The following CENATAC variants were observed in gnomAD, a reference collection of about 807,000 sequenced individuals.
The protein encoded by CENATAC is centrosomal AT-AC splicing factor, also known as coiled-coil domain containing 84.
A neutral mutation model predicts 53.7 loss-of-function variants in CENATAC; 53 were observed. That is an observed-to-expected ratio of 0.99 (90% CI 0.79 to 1.24). The LOEUF is 1.24. Among genes scored for constraint, CENATAC ranks in the 50% most tolerant of loss-of-function variants. CENATAC has a pLI of 0.00. For synonymous variants in CENATAC, 156 were observed against 144.6 expected (o/e 1.08, Z -0.57); for missense variants, 474 against 417.8 (o/e 1.13, Z -1.17).
intron 9 of CENATAC, 93 bp downstream of exon 9, chr11:119,015,176 A>G (rs1388195651): frequency 6.9e-7 from 1 of 1,457,406 alleles, no homozygotes; most frequent in Non-Finnish European, 9.5e-7. Context: ...CTATAATCCT[A>G]GCATTTTGGG....
intron 3 of CENATAC, among the ~76,000 whole-genome samples, chr11:118,999,508 G>A (rs780209960): frequency 6.6e-6 from 1 of 152,096 alleles, no homozygotes; most frequent in Non-Finnish European, 1.5e-5. Context: ...GCCCAGGCTG[G>A]AGTGCAATGG....
At chr11:119,014,892 T>C in intron 8 of CENATAC, 102 bp from the exon 9 acceptor site, 1 of 768,918 alleles carries the variant, frequency 1.3e-6, no homozygotes. Context: ...CTTTTAGACA[T>C]TTCTAGCTCT....
Position 119,002,971 on chromosome 11 carries a change from A to G in CENATAC, c.383+3862A>G, listed in dbSNP as rs1386104388. The G allele has an allele frequency of 8.7e-6, 4 of 458,264 alleles. No homozygotes were observed. The Admixed American group carries it at 9.9e-5, about 11-fold the overall frequency. The allele number at this position is 458,264 out of a possible 1,614,324, so 28.4% of individuals were successfully genotyped here. ...TTGATAATTTTTTTTTTAATGGTGAAAAGATATACATATATTTAGAATTAG... is the reference window on the plus strand; with the variant it reads ...TTGATAATTTTTTTTTTAATGGTGAGAAGATATACATATATTTAGAATTAG... On this transcript the variant is annotated intron_variant, in intron 3 of 10. Transcript: ENST00000334418.
At chr11:119,010,885 A>C (rs1942836945) in intron 4 of CENATAC, 55 bp downstream of exon 4, 1 of 1,536,192 alleles carries the variant, frequency 6.5e-7, no homozygotes, top group East Asian at 2.3e-5. Flanking sequence ...GGTTTCGTGG[A>C]AGACGGTTTT....
At chr11:119,007,774 A>C (rs570833179) in intron 3 of CENATAC, among the ~76,000 whole-genome samples, 4 of 152,202 alleles carry the variant, frequency 2.6e-5, no homozygotes, top group Non-Finnish European at 4.4e-5. Flanking sequence ...GGCATGAGCC[A>C]CTGTGCCCAG....
chr11:119,013,074 C>G, intron 7 of CENATAC, 158 bp from the exon 8 acceptor site: 1 of 590,038 alleles, frequency 1.7e-6, no homozygotes, highest in Non-Finnish European at 3.1e-6. Flanking sequence ...ACTTACTGTG[C>G]TTTCAAAGTT....
At chr11:119,006,385 C>T (rs1257578893) in intron 3 of CENATAC, among the ~76,000 whole-genome samples, 2 of 151,884 alleles carry the variant, frequency 1.3e-5, no homozygotes, top group Admixed American at 6.6e-5. Flanking sequence ...TACAGGCGCC[C>T]GCCACCATGC....
intron 1 of CENATAC, 21 bp downstream of exon 1, chr11:118,998,338 A>T (rs572561870): frequency 2.5e-6 from 4 of 1,611,418 alleles, no homozygotes; most frequent in East Asian, 4.5e-5. Flanking sequence ...AAGGCTAGAG[A>T]TGGGATGGGA....
intron 4 of CENATAC, 107 bp downstream of exon 4, chr11:119,010,937 C>G (rs1942840139): frequency 1.1e-6 from 1 of 920,430 alleles, no homozygotes; most frequent in African/African-American, 1.7e-5. Flanking sequence ...CAGAATGAGA[C>G]TGCTCCACCT....
intron 2 of CENATAC, 23 bp downstream of exon 2, chr11:118,998,616 G>A (rs367843400): frequency 1.9e-6 from 3 of 1,552,674 alleles, no homozygotes; most frequent in Non-Finnish European, 2.6e-6. Flanking sequence ...CTAGGAGCCT[G>A]CTCCAGCACA....
Position 119,012,381 on chromosome 11 carries a change from G to C in CENATAC, c.684+127G>C, listed in dbSNP as rs181172603. 462 of 1,019,068 alleles carry C rather than the reference G, an allele frequency of 4.5e-4. 2 individuals are homozygous for C. In the African/African-American group the frequency reaches 6.7e-3, roughly 15 times the overall value. 63.1% of individuals were successfully genotyped at this position (1,019,068 alleles called of 1,614,324 possible). A position where few individuals can be genotyped will look rare whatever the true frequency, so the allele number is the denominator to read the frequency against. On this transcript the variant is annotated intron_variant, in intron 7 of 10. Coordinates refer to ENST00000334418, the MANE Select transcript of CENATAC (RefSeq NM_198489.3). Reference sequence around the variant, plus strand: ...GCAGGCTTTTCCTTCTTCCTTCACTGTTCCCTAGTAGTGTTCTCAGACCTC... The same window carrying C: ...GCAGGCTTTTCCTTCTTCCTTCACTCTTCCCTAGTAGTGTTCTCAGACCTC...
chr11:119,010,181 A>T (rs1016606024), intron 3 of CENATAC: 1 of 152,476 alleles, frequency 6.6e-6, no homozygotes, highest in Non-Finnish European at 1.5e-5. Context: ...TTAGGACAGT[A>T]TGCAAGATTT....
intron 3 of CENATAC, among the ~76,000 whole-genome samples, chr11:118,999,938 G>A (rs1018862291): frequency 1.3e-5 from 2 of 152,134 alleles, no homozygotes; most frequent in African/African-American, 4.8e-5. Context: ...CACCGCGCCC[G>A]GCCAATTTTT....
At position 119,012,009 on chromosome 11, in the gene CENATAC, A is replaced by G; in HGVS notation, c.578+6A>G. The G allele has an allele frequency of 6.2e-7, 1 of 1,613,886 alleles. No homozygotes were observed. The highest frequency in any genetic ancestry group is 8.5e-7 in the Non-Finnish European group (1 of 1,179,848). ...AGCTGGAAAGGGATGAACAGGTAAG[A>G]CTATTAGGGAATCTCTTGTTGGGAA... On this transcript the variant is annotated splice_donor_region_variant and intron_variant, in intron 6 of 10. Coordinates refer to ENST00000334418, the MANE Select transcript of CENATAC (RefSeq NM_198489.3).
Position 119,015,591 on chromosome 11 carries a change from A to G in CENATAC, c.992A>G (p.Lys331Arg), listed in dbSNP as rs782367365. ...AAMKKQSHTE[K>R]S ...ATGAAGAAGCAGTCACATACAGAAA[A>G]AAGCTAATCATGCTCTCTACCAACT... Residue 331 changes from lysine to arginine, a missense_variant, in exon 11 of 11, where the codon AAA becomes AGA. Lys to Arg is a conservative substitution (Grantham distance 26). Transcript: ENST00000334418. 1.9e-6 allele frequency: 3 copies of G among 1,614,168 alleles called. No homozygotes were observed. In the South Asian group the frequency reaches 3.3e-5, roughly 18 times the overall value.
intron 3 of CENATAC, chr11:119,003,809 G>A (rs1402919655): frequency 6.5e-6 from 1 of 154,362 alleles, no homozygotes; most frequent in Admixed American, 6.5e-5. Context: ...AGTAGAGATG[G>A]GGTTTTACCA....
Position 118,999,189 on chromosome 11 carries a change from C to T in CENATAC, c.383+80C>T, listed in dbSNP as rs1483170153. Reference sequence around the variant, plus strand: ...CAGGTATGGGAGCTTACTCTATTAACTGGAAAGTTCAGGAGGGACTTACGA... The same window carrying T: ...CAGGTATGGGAGCTTACTCTATTAATTGGAAAGTTCAGGAGGGACTTACGA... On this transcript the variant is annotated intron_variant, in intron 3 of 10. Transcript: ENST00000334418. The T allele has an allele frequency of 7.4e-6, 8 of 1,086,134 alleles. No homozygotes were observed. In the East Asian group the frequency reaches 1.9e-4, roughly 26 times the overall value. 67.3% of individuals were successfully genotyped at this position (1,086,134 alleles called of 1,614,324 possible).
At chr11:119,015,113 C>G (rs376171998) in intron 9 of CENATAC, 30 bp downstream of exon 9, 3 of 1,560,028 alleles carry the variant, frequency 1.9e-6, no homozygotes, top group African/African-American at 2.7e-5. Flanking sequence ...AGAGGATCGT[C>G]TAAATCTTCA....
At chr11:119,013,168 G>A in intron 7 of CENATAC, 64 bp from the exon 8 acceptor site, 1 of 1,262,178 alleles carries the variant, frequency 7.9e-7, no homozygotes, top group Non-Finnish European at 1.1e-6. Flanking sequence ...ATCGTTTCTA[G>A]GATTTTTTTT....
Sources: allele counts gnomAD v4.1 joint callset (sites outside exome capture counted in the v4.1 genomes callset), GRCh38; gene constraint gnomAD v4.1.1; transcripts MANE v1.5; gene names NCBI Gene and HGNC (gene_info 2026-07-23, HGNC 2026-07-21).